The following ANO3 variants were observed in gnomAD, a reference collection of about 807,000 sequenced individuals.
ANO3 encodes the protein anoctamin 3.
Under a neutral mutation model 144.8 loss-of-function variants are expected in ANO3, and 99 were observed. The ratio of observed to expected loss-of-function variants is 0.68; its 90% CI spans 0.58 to 0.81. The LOEUF is 0.81. ANO3 is among the 30% of genes least tolerant of loss of function. ANO3 has a pLI of 0.00. For missense variants in ANO3, 905 were observed against 1,202.2 expected, an observed-to-expected ratio of 0.75 and a Z score of 3.66; for synonymous variants, 414 against 392.6, an observed-to-expected ratio of 1.05 and a Z score of -0.64.
intron 1 of ANO3, among the ~76,000 whole-genome samples, chr11:26,302,649 G>A (rs879842051): frequency 5.9e-5 from 9 of 152,030 alleles, no homozygotes; most frequent in Non-Finnish European, 1.3e-4. Context: ...AAGTACAAAT[G>A]CATAAATACT....
At chr11:26,480,491 A>G (rs1478571451) in intron 4 of ANO3, among the ~76,000 whole-genome samples, 3 of 152,150 alleles carry the variant, frequency 2.0e-5, no homozygotes, top group South Asian at 2.1e-4. Flanking sequence ...AGTTAAAAAT[A>G]AAAATGAAAA....
intron 23 of ANO3, among the ~76,000 whole-genome samples, chr11:26,644,871 CTG>C (rs1321202015): frequency 2.7e-5 from 4 of 149,524 alleles, no homozygotes; most frequent in Non-Finnish European, 5.9e-5. Flanking sequence ...CATACTATAA[CTG>C]TGTGTATAAA....
chr11:26,452,794 T>TG (rs138125192), intron 3 of ANO3, among the ~76,000 whole-genome samples: 143,089 of 152,114 alleles, frequency 0.94, 67,453 homozygotes, highest in East Asian at 1. Context: ...TCACCAAAGT[T>TG]AAATGAAGGA....
chr11:26,255,786 T>C (rs1590218703), intron 1 of ANO3, among the ~76,000 whole-genome samples: 1 of 152,138 alleles, frequency 6.6e-6, no homozygotes, highest in Non-Finnish European at 1.5e-5. Context: ...AGCAAACAAC[T>C]AAATCATGAT....
chr11:26,647,454 CAT>C (rs1853383196), intron 23 of ANO3, among the ~76,000 whole-genome samples: 1 of 152,144 alleles, frequency 6.6e-6, no homozygotes, highest in Non-Finnish European at 1.5e-5. Context: ...TGCCATGTCT[CAT>C]TGTTGCAGAC....
chr11:26,452,310 G>T (rs1385040870), intron 3 of ANO3, among the ~76,000 whole-genome samples: 2 of 152,142 alleles, frequency 1.3e-5, no homozygotes, highest in African/African-American at 4.8e-5. Context: ...CAAACCAAAG[G>T]CAAAGAAGTT....
At position 26,283,317 on chromosome 11, in the gene ANO3, AATAAATATATAT is replaced by A. The variant is rs1312614910; in HGVS notation, c.155-26324_155-26313del. Among the ~76,000 whole-genome samples the A allele has an allele frequency of 7.2e-3, 561 of 77,580 alleles. 23 individuals are homozygous for A. The highest frequency in any genetic ancestry group is 0.013 in the South Asian group (22 of 1,662). 50.9% of individuals were successfully genotyped at this position (77,580 alleles called of 152,430 possible). A position where few individuals can be genotyped will look rare whatever the true frequency, so the allele number is the denominator to read the frequency against. On this transcript the variant is annotated intron_variant, in intron 1 of 27. Transcript: ENST00000672621. ...CATATCTTACCAAAATAAACAAATA[AATAAATATATAT>A]ATATATATATATATATATATATATA...
chr11:26,471,398 A>G (rs977262097), intron 4 of ANO3, among the ~76,000 whole-genome samples: 1 of 152,012 alleles, frequency 6.6e-6, no homozygotes, highest in African/African-American at 2.4e-5. Flanking sequence ...CCCCTAAGTA[A>G]AAATAGATAA....
chr11:26,464,622 A>G (rs1268557288), intron 4 of ANO3, among the ~76,000 whole-genome samples: 2 of 151,868 alleles, frequency 1.3e-5, no homozygotes, highest in Non-Finnish European at 2.9e-5. Flanking sequence ...TTAGGATATC[A>G]AAGTTTTAAA....
chr11:26,397,418 TAAATC>T (rs1330946172), intron 1 of ANO3, among the ~76,000 whole-genome samples: 1 of 152,076 alleles, frequency 6.6e-6, no homozygotes, highest in Non-Finnish European at 1.5e-5. Flanking sequence ...TAAAAAGAAA[TAAATC>T]AAAACACTGG....
intron 1 of ANO3, among the ~76,000 whole-genome samples, chr11:26,196,994 A>C (rs1300820314): frequency 6.6e-6 from 1 of 152,212 alleles, no homozygotes; most frequent in Non-Finnish European, 1.5e-5. Context: ...ATTAGTACTT[A>C]TAGAGTAGCT....
intron 14 of ANO3, among the ~76,000 whole-genome samples, chr11:26,587,937 CA>C (rs60752903): frequency 0.12 from 13,467 of 115,956 alleles, 536 homozygotes; most frequent in African/African-American, 0.2. Context: ...AACTCTGTCT[CA>C]AAAAAAAAAA....
intron 1 of ANO3, among the ~76,000 whole-genome samples, chr11:26,247,840 T>C (rs981579759): frequency 6.7e-6 from 1 of 149,226 alleles, no homozygotes; most frequent in African/African-American, 2.5e-5. Flanking sequence ...GTGATTCTCC[T>C]TGCCTCAGCC....
At chr11:26,650,308 G>A (rs1853488637) in intron 24 of ANO3, among the ~76,000 whole-genome samples, 1 of 152,156 alleles carries the variant, frequency 6.6e-6, no homozygotes, top group Non-Finnish European at 1.5e-5. Flanking sequence ...TTCTAGTATG[G>A]ACAACGAATG....
intron 1 of ANO3, among the ~76,000 whole-genome samples, chr11:26,224,570 A>C (rs1447377644): frequency 6.6e-6 from 1 of 152,206 alleles, no homozygotes; most frequent in Non-Finnish European, 1.5e-5. Flanking sequence ...ACACTGCTTC[A>C]TCCAGTGGCC....
At chr11:26,434,655 C>T (rs1241847402) in intron 1 of ANO3, among the ~76,000 whole-genome samples, 6 of 152,176 alleles carry the variant, frequency 3.9e-5, no homozygotes, top group Admixed American at 3.9e-4. Flanking sequence ...CAAAGAACTT[C>T]CTGATATCTG....
At chr11:26,358,465 C>T (rs1250165010) in intron 1 of ANO3, among the ~76,000 whole-genome samples, 2 of 152,134 alleles carry the variant, frequency 1.3e-5, no homozygotes, top group Admixed American at 6.5e-5. Flanking sequence ...CCACCGCGCC[C>T]GGCCACAATT....
chr11:26,329,051 A>C (rs949788791), upstream of ANO3, among the ~76,000 whole-genome samples: 1 of 152,046 alleles, frequency 6.6e-6, no homozygotes, highest in African/African-American at 2.4e-5. Context: ...GCATGTCATT[A>C]AAATTTGGAG....
intron 1 of ANO3, among the ~76,000 whole-genome samples, chr11:26,350,654 A>C (rs1361776725): frequency 6.6e-6 from 1 of 152,100 alleles, no homozygotes; most frequent in East Asian, 1.9e-4. Flanking sequence ...TGATATAATG[A>C]CTCAGTTGCA....
Sources: allele counts gnomAD v4.1 joint callset (sites outside exome capture counted in the v4.1 genomes callset), GRCh38; gene constraint gnomAD v4.1.1; transcripts MANE v1.5; gene names NCBI Gene and HGNC (gene_info 2026-07-23, HGNC 2026-07-21).